Variants in PDSS2 observed in about 807,000 individuals in gnomAD.
PDSS2 encodes all trans-polyprenyl-diphosphate synthase PDSS2.
In PDSS2, 31 loss-of-function variants were observed where a neutral mutation model predicts 44.5. The ratio of observed to expected loss-of-function variants is 0.70; its 90% CI spans 0.52 to 0.94. The LOEUF (loss-of-function observed/expected upper bound fraction) is 0.94. PDSS2 is among the 40% of genes least tolerant of loss of function. The probability of loss-of-function intolerance (pLI) is 0.00; values close to 1 mark genes in which losing one functional copy is unlikely to be tolerated. For missense variants in PDSS2, 452 were observed against 482.2 expected (o/e 0.94, Z 0.59); for synonymous variants, 157 against 180.3 (o/e 0.87, Z 1.03).
At chr6:107,277,746 A>C (rs1454689061) in intron 2 of PDSS2, among the ~76,000 whole-genome samples, 1 of 152,136 alleles carries the variant, frequency 6.6e-6, no homozygotes, top group Non-Finnish European at 1.5e-5. Context: ...TGAGGTAAGG[A>C]GTTCGAAACC....
chr6:107,347,378 T>C (rs1778286572), intron 1 of PDSS2, among the ~76,000 whole-genome samples: 2 of 150,562 alleles, frequency 1.3e-5, no homozygotes, highest in African/African-American at 2.4e-5. Context: ...TTCAAGCGAT[T>C]CAAGCCTCAG....
At chr6:107,221,193 T>G (rs1773590581) in intron 4 of PDSS2, among the ~76,000 whole-genome samples, 4 of 151,826 alleles carry the variant, frequency 2.6e-5, no homozygotes, top group Admixed American at 2.6e-4. Context: ...ATGCAAAAAA[T>G]TAGCTGGGAG....
intron 4 of PDSS2, among the ~76,000 whole-genome samples, chr6:107,218,934 T>C (rs1773507030): frequency 6.6e-6 from 1 of 151,904 alleles, no homozygotes; most frequent in African/African-American, 2.4e-5. Flanking sequence ...GGTGGGTGCC[T>C]GTAATCCCAG....
chr6:107,284,815 T>A (rs575568599), intron 2 of PDSS2, among the ~76,000 whole-genome samples: 1 of 152,256 alleles, frequency 6.6e-6, no homozygotes, highest in Non-Finnish European at 1.5e-5. Flanking sequence ...ATAGTGATTA[T>A]GGCAACTACT....
intron 1 of PDSS2, among the ~76,000 whole-genome samples, chr6:107,358,860 T>C (rs1778670201): frequency 6.6e-6 from 1 of 152,076 alleles, no homozygotes; most frequent in African/African-American, 2.4e-5. Flanking sequence ...CTCTAGATAT[T>C]GGCAAATGTC....
At chr6:107,376,436 A>C (rs1458834374) in intron 1 of PDSS2, among the ~76,000 whole-genome samples, 2 of 152,032 alleles carry the variant, frequency 1.3e-5, no homozygotes, top group African/African-American at 2.4e-5. Flanking sequence ...CTTTTATTTC[A>C]TTCAGCAGTG....
At chr6:107,364,314 T>C (rs999280771) in intron 1 of PDSS2, among the ~76,000 whole-genome samples, 77 of 143,526 alleles carry the variant, frequency 5.4e-4, no homozygotes, top group African/African-American at 1.1e-3. Flanking sequence ...GTCGGGGAGG[T>C]TCGGGCCGCA....
At chr6:107,160,881 C>T (rs1554246580) in intron 7 of PDSS2, among the ~76,000 whole-genome samples, 1 of 151,976 alleles carries the variant, frequency 6.6e-6, no homozygotes, top group Non-Finnish European at 1.5e-5. Flanking sequence ...GCTGGGATTA[C>T]AGGCGTGCCA....
intron 2 of PDSS2, among the ~76,000 whole-genome samples, chr6:107,278,018 AAT>A (rs1278254929): frequency 2.0e-5 from 3 of 151,648 alleles, no homozygotes; most frequent in African/African-American, 4.8e-5. Context: ...ATCATCAAAT[AAT>A]ATATGAGACT....
intron 1 of PDSS2, among the ~76,000 whole-genome samples, chr6:107,446,922 A>C (rs993197534): frequency 2.0e-5 from 3 of 152,018 alleles, no homozygotes; most frequent in Non-Finnish European, 4.4e-5. Context: ...TTCAAAATGC[A>C]GTCATGATGC....
At chr6:107,230,051 A>C in intron 4 of PDSS2, 1 of 198,704 alleles carries the variant, frequency 5.0e-6, no homozygotes, top group Admixed American at 4.6e-5. Flanking sequence ...CTGTGTGAGA[A>C]GAAAAAGACC....
At chr6:107,421,743 G>A (rs1488753947) in intron 1 of PDSS2, among the ~76,000 whole-genome samples, 4 of 150,170 alleles carry the variant, frequency 2.7e-5, no homozygotes, top group Admixed American at 6.7e-5. Flanking sequence ...TCATAGCGAT[G>A]GAACAGTCCT....
At position 107,193,822 on chromosome 6, in the gene PDSS2, C is replaced by T. The variant is rs144931055; in HGVS notation, c.1041G>A (p.Lys347=). The T allele has an allele frequency of 3.9e-6, 6 of 1,549,208 alleles. No homozygotes were observed. In the African/African-American group the frequency reaches 8.1e-5, roughly 21 times the overall value. Residue 347 remains lysine (K), a splice_region_variant and synonymous_variant, in exon 7 of 8, where the codon AAG becomes AAA. Coordinates refer to ENST00000369037, the MANE Select transcript of PDSS2 (RefSeq NM_020381.4). The part of the protein sequence containing the change: ...AQEKGRLDYA[K]LRERIKAGKG... ...TACAGTATGTATAAAATCTGCCTAC[C>T]TTAGCATAGTCCAATCTTCCTTTTT...
chr6:107,219,534 G>A (rs1167871503), intron 4 of PDSS2, among the ~76,000 whole-genome samples: 3 of 152,132 alleles, frequency 2.0e-5, no homozygotes, highest in Non-Finnish European at 4.4e-5. Flanking sequence ...TGATCCACCC[G>A]CCTTGGCCTC....
intron 2 of PDSS2, among the ~76,000 whole-genome samples, chr6:107,295,883 C>A (rs1219116325): frequency 6.6e-6 from 1 of 152,074 alleles, no homozygotes; most frequent in Non-Finnish European, 1.5e-5. Flanking sequence ...GATTATATAT[C>A]TTTTTGGTAA....
chr6:107,232,451 TC>T (rs1336910779), intron 4 of PDSS2, among the ~76,000 whole-genome samples: 1 of 152,120 alleles, frequency 6.6e-6, no homozygotes, highest in African/African-American at 2.4e-5. Flanking sequence ...GAATGTTTTT[TC>T]CCCCCAACAT....
At chr6:107,359,711 A>G (rs1778708543) in intron 1 of PDSS2, among the ~76,000 whole-genome samples, 1 of 151,952 alleles carries the variant, frequency 6.6e-6, no homozygotes, top group Non-Finnish European at 1.5e-5. Flanking sequence ...TAGAAATAAA[A>G]TCACATATTC....
chr6:107,285,628 G>T (rs921739189), intron 2 of PDSS2, among the ~76,000 whole-genome samples: 3 of 152,140 alleles, frequency 2.0e-5, no homozygotes, highest in African/African-American at 7.2e-5. Flanking sequence ...TTAGGGAAAA[G>T]ATGGATTATT....
chr6:107,347,806 T>G (rs1778301010), intron 1 of PDSS2, among the ~76,000 whole-genome samples: 1 of 152,232 alleles, frequency 6.6e-6, no homozygotes, highest in Non-Finnish European at 1.5e-5. Context: ...AACTGGCTTT[T>G]TGTTCCCATC....
Sources: allele counts gnomAD v4.1 joint callset (sites outside exome capture counted in the v4.1 genomes callset), GRCh38; gene constraint gnomAD v4.1.1; transcripts MANE v1.5; gene names NCBI Gene and HGNC (gene_info 2026-07-23, HGNC 2026-07-21).